ZMYM4: variants seen among roughly 807,000 people sequenced by gnomAD.
The protein encoded by ZMYM4 is zinc finger MYM-type containing 4.
In ZMYM4, 31 loss-of-function variants were observed where a neutral mutation model predicts 183.2. The ratio of observed to expected loss-of-function variants is 0.17; its 90% confidence interval spans 0.13 to 0.23. The LOEUF is 0.23. Among genes scored for constraint, ZMYM4 ranks in the 10% least tolerant of loss-of-function variants. The pLI is 1.00. For missense variants in ZMYM4, 1,273 were observed against 1,840.3 expected, an observed-to-expected ratio of 0.69 and a Z score of 5.64; for synonymous variants, 592 against 631.2, an observed-to-expected ratio of 0.94 and a Z score of 0.93.
intron 1 of ZMYM4, among the ~76,000 whole-genome samples, chr1:35,277,995 G>C (rs1322727190): frequency 6.6e-6 from 1 of 152,146 alleles, no homozygotes; most frequent in Non-Finnish European, 1.5e-5. Flanking sequence ...ATACTTGGTA[G>C]CTTAAAACAT....
At chr1:35,378,801 A>AT (rs1644388815) in intron 7 of ZMYM4, among the ~76,000 whole-genome samples, 1 of 152,208 alleles carries the variant, frequency 6.6e-6, no homozygotes, top group African/African-American at 2.4e-5. Context: ...TGTAGCCGCC[A>AT]TCATAAATTG....
At chr1:35,318,999 G>C (rs1375527984) in intron 1 of ZMYM4, among the ~76,000 whole-genome samples, 1 of 152,168 alleles carries the variant, frequency 6.6e-6, no homozygotes, top group East Asian at 1.9e-4. Context: ...TGATTCTCCT[G>C]CCTCGTGAGT....
chr1:35,412,049 A>T (rs75619106), intron 26 of ZMYM4, among the ~76,000 whole-genome samples: 10 of 150,880 alleles, frequency 6.6e-5, no homozygotes, highest in Non-Finnish European at 1.5e-4. Flanking sequence ...GCGCCCAGCT[A>T]ATTTTTTTTT....
At chr1:35,332,606 T>A (rs1188786569) in intron 2 of ZMYM4, among the ~76,000 whole-genome samples, 2 of 152,176 alleles carry the variant, frequency 1.3e-5, no homozygotes, top group Non-Finnish European at 2.9e-5. Context: ...TTCCTCATAG[T>A]GTGGCAGCCT....
At chr1:35,360,920 A>C (rs1643921446) in intron 3 of ZMYM4, among the ~76,000 whole-genome samples, 2 of 151,630 alleles carry the variant, frequency 1.3e-5, no homozygotes, top group Admixed American at 1.3e-4. Flanking sequence ...GAACAAATGC[A>C]AGCAATTTTC....
intron 5 of ZMYM4, among the ~76,000 whole-genome samples, chr1:35,367,036 A>G (rs545550330): frequency 6.6e-6 from 1 of 152,088 alleles, no homozygotes; most frequent in South Asian, 2.1e-4. Context: ...AAAAAAAAAA[A>G]AAAAATTGAG....
At chr1:35,412,012 T>C (rs918561698) in intron 26 of ZMYM4, among the ~76,000 whole-genome samples, 4 of 152,216 alleles carry the variant, frequency 2.6e-5, no homozygotes, top group African/African-American at 9.6e-5. Flanking sequence ...GCCTCCGAAG[T>C]AGCTGGGACT....
intron 2 of ZMYM4, among the ~76,000 whole-genome samples, chr1:35,336,685 A>G (rs749564744): frequency 6.6e-6 from 1 of 152,102 alleles, no homozygotes; most frequent in Non-Finnish European, 1.5e-5. Flanking sequence ...GATTACAGGC[A>G]TGAGCCACCA....
At chr1:35,360,353 A>C (rs1643909223) in intron 3 of ZMYM4, among the ~76,000 whole-genome samples, 1 of 152,000 alleles carries the variant, frequency 6.6e-6, no homozygotes, top group Admixed American at 6.6e-5. Flanking sequence ...GGTGTAGTAA[A>C]ATAGTAATTC....
chr1:35,313,371 ACTTTTT>A (rs1031467293), intron 1 of ZMYM4, among the ~76,000 whole-genome samples: 1 of 141,492 alleles, frequency 7.1e-6, no homozygotes, highest in Non-Finnish European at 1.5e-5. Context: ...TTTATCTGTC[ACTTTTT>A]CTTTTTCTTT....
At chr1:35,397,313 A>G in intron 19 of ZMYM4, 64 bp from the exon 20 acceptor site, 1 of 1,426,788 alleles carries the variant, frequency 7.0e-7, no homozygotes, top group Non-Finnish European at 9.3e-7. Context: ...TCATCTCACA[A>G]ATCATACTTT....
intron 15 of ZMYM4, among the ~76,000 whole-genome samples, chr1:35,390,353 C>CT (rs1186402016): frequency 6.6e-6 from 1 of 151,426 alleles, no homozygotes; most frequent in Non-Finnish European, 1.5e-5. Flanking sequence ...CGGTCTGAGT[C>CT]TGAAAAGAGT....
chr1:35,367,018 C>T (rs11264142), intron 5 of ZMYM4, among the ~76,000 whole-genome samples: 4,807 of 143,850 alleles, frequency 0.033, 257 homozygotes, highest in East Asian at 0.28. Flanking sequence ...GAGTGAAACT[C>T]CATCTCAAAA....
intron 1 of ZMYM4, among the ~76,000 whole-genome samples, chr1:35,309,772 A>T (rs1438333122): frequency 2.0e-5 from 3 of 151,894 alleles, no homozygotes; most frequent in Non-Finnish European, 4.4e-5. Flanking sequence ...CGACAGAGTA[A>T]GACTCTGTCT....
At chr1:35,411,462 A>G (rs1478992903) in intron 26 of ZMYM4, among the ~76,000 whole-genome samples, 3 of 151,774 alleles carry the variant, frequency 2.0e-5, no homozygotes, top group Non-Finnish European at 4.4e-5. Context: ...GCCCTAATCC[A>G]TTTTTCTATA....
At chr1:35,325,219 TTGGCAA>T in intron 1 of ZMYM4, 135 bp from the exon 2 acceptor site, 1 of 666,486 alleles carries the variant, frequency 1.5e-6, no homozygotes, top group Non-Finnish European at 2.3e-6. Context: ...TTTACTCTAT[TTGGCAA>T]TGTTTTTGTT....
intron 7 of ZMYM4, among the ~76,000 whole-genome samples, chr1:35,377,591 A>G (rs1268256131): frequency 6.6e-6 from 1 of 152,262 alleles, no homozygotes; most frequent in Admixed American, 6.5e-5. Flanking sequence ...TTGGCTTCCC[A>G]GTTCATATCA....
chr1:35,310,151 G>A (rs1228241344), intron 1 of ZMYM4: 1 of 154,314 alleles, frequency 6.5e-6, no homozygotes, highest in African/African-American at 2.4e-5. Flanking sequence ...GGCCAGGCTG[G>A]TCTCGAATTC....
intron 1 of ZMYM4, among the ~76,000 whole-genome samples, chr1:35,304,170 G>T (rs375240948): frequency 6.6e-5 from 10 of 152,026 alleles, no homozygotes; most frequent in African/African-American, 2.4e-4. Flanking sequence ...GATTACCGGT[G>T]CATACCAGCA....
Sources: gnomAD v4.1 joint callset for allele counts (sites outside exome capture counted in the v4.1 genomes callset) on GRCh38, gnomAD v4.1.1 for gene constraint, MANE v1.5 for transcripts, NCBI Gene and HGNC (gene_info 2026-07-23, HGNC 2026-07-21) for gene names.